DNAH5: variants seen among roughly 807,000 people sequenced by gnomAD.
DNAH5 encodes the protein dynein axonemal heavy chain 5, also known as axonemal beta dynein heavy chain 5.
In DNAH5, 372 loss-of-function variants were observed where a neutral mutation model predicts 518.2. That is an observed-to-expected ratio of 0.72 (90% CI 0.66 to 0.78). The LOEUF (loss-of-function observed/expected upper bound fraction) is 0.78, where lower values mean the gene tolerates loss of function less well. Among genes scored for constraint, DNAH5 ranks in the 30% least tolerant of loss-of-function variants. The pLI, the probability that DNAH5 is intolerant of heterozygous loss-of-function variation, is 0.00. For synonymous variants in DNAH5, 2,039 were observed against 2,025.9 expected (o/e 1.01, Z -0.17); for missense variants, 5,523 against 5,687.0 (o/e 0.97, Z 0.93).
chr5:13,722,412 T>C (rs1745174540), intron 70 of DNAH5, among the ~76,000 whole-genome samples: 1 of 152,224 alleles, frequency 6.6e-6, no homozygotes, highest in South Asian at 2.1e-4. Flanking sequence ...TGTTTCCCAC[T>C]TGTGTTTGCC....
Position 13,691,786 on chromosome 5 carries a change from A to C in DNAH5, c.*198T>G. 3.1e-6 allele frequency: 2 copies of C among 642,262 alleles called. No homozygotes were observed. Among genetic ancestry groups the C allele is most frequent in the South Asian group, 4.0e-5 (2 of 50,246 alleles). 39.8% of individuals were successfully genotyped at this position (642,262 alleles called of 1,614,324 possible). On this transcript the variant is annotated 3_prime_UTR_variant, in exon 79 of 79. Transcript: ENST00000265104. ...TTTTATATCACTAAATAACATTTTC[A>C]ACAAACTCAGACATTGGTCACTAAT...
chr5:13,842,789 C>T (rs996342103), intron 32 of DNAH5, among the ~76,000 whole-genome samples: 4 of 152,256 alleles, frequency 2.6e-5, no homozygotes, highest in African/African-American at 9.6e-5. Context: ...CAAGATTTAG[C>T]ACCCACACAA....
In DNAH5 at chr5:13,865,702, T is replaced by C. The variant is rs1769143782; in HGVS notation, c.4321A>G (p.Lys1441Glu). Residue 1441 changes from lysine to glutamate, a missense_variant, in exon 27 of 79, where the codon AAA becomes GAA. Lys to Glu is a moderately conservative substitution (Grantham distance 56, BLOSUM62 1). Coordinates refer to ENST00000265104, the MANE Select transcript of DNAH5 (RefSeq NM_001369.3). ...DILWSEVNIE[K>E]INNELLEFQN... ...AATTCTAAGAGTTCATTGTTAATTT[T>C]TTCAATATTCACCTCTGACCAAAGA... 6 of 1,599,334 alleles carry C rather than the reference T, an allele frequency of 3.8e-6. No homozygotes were observed. Among genetic ancestry groups the C allele is most frequent in the Non-Finnish European group, 5.1e-6 (6 of 1,166,594 alleles).
intron 1 of DNAH5, among the ~76,000 whole-genome samples, chr5:13,998,792 G>A (rs1005958612): frequency 1.3e-5 from 2 of 152,176 alleles, no homozygotes; most frequent in African/African-American, 4.8e-5. Context: ...AGTGGGCAGG[G>A]CTGGGATAAA....
At chr5:13,900,133 C>A (rs2151960858) in intron 15 of DNAH5, 73 bp downstream of exon 15, 1 of 1,320,444 alleles carries the variant, frequency 7.6e-7, no homozygotes, top group Non-Finnish European at 1.1e-6. Context: ...TTGAATATGA[C>A]ACATCACCAT....
At chr5:13,730,996 G>A (rs929650794) in intron 68 of DNAH5, among the ~76,000 whole-genome samples, 4 of 152,084 alleles carry the variant, frequency 2.6e-5, no homozygotes, top group African/African-American at 2.4e-5. Flanking sequence ...GAGCCACCGC[G>A]CCCGGCCTAC....
chr5:13,886,367 T>G (rs1345331567), intron 17 of DNAH5, among the ~76,000 whole-genome samples: 1 of 151,568 alleles, frequency 6.6e-6, no homozygotes, highest in African/African-American at 2.4e-5. Flanking sequence ...CAGGCACTTC[T>G]CCACCAGTAG....
chr5:13,811,718 T>C lies in DNAH5; in HGVS notation c.7336A>G (p.Lys2446Glu). 6.2e-7 allele frequency: 1 copy of C among 1,614,172 alleles called. No homozygotes were observed. The highest frequency in any genetic ancestry group is 8.5e-7 in the Non-Finnish European group (1 of 1,180,020). Residue 2446 changes from lysine to glutamate, a missense_variant, in exon 44 of 79, where the codon AAG becomes GAG. By Grantham distance (56) the Lys-to-Glu change is moderately conservative (BLOSUM62 1). Transcript: ENST00000265104. ...YRFCIQNLEY[K>E]MEVLEAFVIT... ...ACAAAGGCCTCCAGCACCTCCATCT[T>C]GTATTCTAAGTTCTGGATACAGAAG...
chr5:13,894,843 G>A, intron 15 of DNAH5, 22 bp from the exon 16 acceptor site: 2 of 1,609,956 alleles, frequency 1.2e-6, no homozygotes, highest in South Asian at 1.1e-5. Context: ...TTGGGGTTAA[G>A]TAATCAATTA....
At chr5:13,951,949 C>T (rs541296207) in intron 1 of DNAH5, among the ~76,000 whole-genome samples, 30 of 152,304 alleles carry the variant, frequency 2.0e-4, no homozygotes, top group African/African-American at 6.5e-4. Flanking sequence ...AAAATGGTAA[C>T]TTCAAAATCA....
intron 33 of DNAH5, 85 bp downstream of exon 33, chr5:13,841,607 C>T: frequency 9.5e-7 from 1 of 1,049,528 alleles, no homozygotes; most frequent in Non-Finnish European, 1.5e-6. Flanking sequence ...TAAATTATAG[C>T]CATTTTTGAA....
intron 50 of DNAH5, 26 bp from the exon 51 acceptor site, chr5:13,788,940 T>G (rs1445950607): frequency 6.2e-7 from 1 of 1,602,782 alleles, no homozygotes; most frequent in Non-Finnish European, 8.5e-7. Context: ...TTAAAATGTG[T>G]TAGTAATTCC....
Position 13,793,973 on chromosome 5 carries a change from T to G in DNAH5, c.7973A>C (p.Asp2658Ala). The change falls in exon 48 of 79, where the codon GAT becomes GCT. Residue 2658 changes from aspartate to alanine, a missense_variant. Asp to Ala is a moderately radical substitution (Grantham distance 126, BLOSUM62 -2). Transcript: ENST00000265104. ...CTCATTGATTATTGGCATATTCACATCATCAATAAAAACAGTCATCTTCTT... is the reference window on the plus strand; with the variant it reads ...CTCATTGATTATTGGCATATTCACAGCATCAATAAAAACAGTCATCTTCTT... ...AGKKMTVFID[D>A]VNMPIINEWG... 6.2e-7 allele frequency: 1 copy of G among 1,614,070 alleles called. No homozygotes were observed. The highest frequency in any genetic ancestry group is 8.5e-7 in the Non-Finnish European group (1 of 1,179,972).
chr5:13,880,492 C>T (rs80272522), intron 21 of DNAH5, among the ~76,000 whole-genome samples: 3,100 of 151,936 alleles, frequency 0.02, 112 homozygotes, highest in African/African-American at 0.069. Context: ...TAGAGCTACA[C>T]AAATTTATTA....
Position 13,891,047 on chromosome 5 carries a change from T to C in DNAH5, c.2506A>G (p.Ser836Gly). ...FRIDAILEEM[S>G]STPLCQLPQE... ...GGAAGCTGACAAAGAGGCGTGCTGCTCATTTCTTCTAGAATGGCATCAATG... is the reference window on the plus strand; with the variant it reads ...GGAAGCTGACAAAGAGGCGTGCTGCCCATTTCTTCTAGAATGGCATCAATG... The change falls in exon 17 of 79, where the codon AGC becomes GGC. Residue 836 changes from serine (S) to glycine (G), a missense_variant. This residue lies in a region of DNAH5 where 5,121 missense variants were observed against 5,223.3 expected (regional missense o/e 0.98). Coordinates refer to ENST00000265104, the MANE Select transcript of DNAH5 (RefSeq NM_001369.3). The C allele has an allele frequency of 6.2e-7, 1 of 1,614,192 alleles. No homozygotes were observed.
intron 76 of DNAH5, among the ~76,000 whole-genome samples, chr5:13,705,876 G>A (rs1213897297): frequency 2.0e-5 from 3 of 152,178 alleles, no homozygotes; most frequent in African/African-American, 7.2e-5. Flanking sequence ...ACTGCCACAA[G>A]CCAAGGAGCT....
At chr5:13,920,657 G>A (rs775584604) in intron 5 of DNAH5, 40 bp from the exon 6 acceptor site, 4 of 1,610,980 alleles carry the variant, frequency 2.5e-6, no homozygotes, top group East Asian at 2.2e-5. Context: ...TGATGCTTTT[G>A]TAAAACACAC....
chr5:13,965,616 T>C (rs1781475714), intron 1 of DNAH5, among the ~76,000 whole-genome samples: 1 of 152,184 alleles, frequency 6.6e-6, no homozygotes, highest in Admixed American at 6.5e-5. Context: ...CTGACAGTTA[T>C]TCAGTGGCAA....
chr5:13,699,468 C>A (rs189033501), intron 78 of DNAH5, among the ~76,000 whole-genome samples: 2 of 152,174 alleles, frequency 1.3e-5, no homozygotes, highest in African/African-American at 2.4e-5. Flanking sequence ...AATCCTAGCA[C>A]TTTGGGAGGC....
Sources: gnomAD v4.1 joint callset for allele counts (sites outside exome capture counted in the v4.1 genomes callset) on GRCh38, gnomAD v4.1.1 for gene constraint, gnomAD v4.1.1 regional missense constraint, MANE v1.5 for transcripts, NCBI Gene and HGNC (gene_info 2026-07-23, HGNC 2026-07-21) for gene names.